The following DGKB variants were observed in gnomAD, a reference collection of about 807,000 sequenced individuals.
The protein encoded by DGKB is 90 kDa diacylglycerol kinase.
A neutral mutation model predicts 114.3 loss-of-function variants in DGKB; 67 were observed. The ratio of observed to expected loss-of-function variants is 0.59; its 90% confidence interval spans 0.48 to 0.72. The LOEUF is 0.72. DGKB is among the 30% of genes least tolerant of loss of function. The probability of loss-of-function intolerance (pLI) is 0.00; values close to 1 mark genes in which losing one functional copy is unlikely to be tolerated. For synonymous variants in DGKB, 398 were observed against 323.1 expected, an observed-to-expected ratio of 1.23 and a Z score of -2.49; for missense variants, 907 against 975.2, an observed-to-expected ratio of 0.93 and a Z score of 0.93.
At chr7:14,828,789 G>C (rs1038343723) in intron 2 of DGKB, among the ~76,000 whole-genome samples, 1 of 152,056 alleles carries the variant, frequency 6.6e-6, no homozygotes, top group South Asian at 2.1e-4. Context: ...TTATTATTTA[G>C]TCCATTTCTG....
intron 1 of DGKB, among the ~76,000 whole-genome samples, chr7:14,913,629 G>A (rs79806707): frequency 0.023 from 3,470 of 151,954 alleles, 132 homozygotes; most frequent in African/African-American, 0.079. Context: ...GAGCAAAGAA[G>A]GAGGCAAACT....
intron 21 of DGKB, among the ~76,000 whole-genome samples, chr7:14,401,349 T>A (rs895782932): frequency 9.9e-5 from 15 of 151,868 alleles, no homozygotes; most frequent in African/African-American, 3.6e-4. Context: ...TGAGAAAGCA[T>A]ATCTGTGATT....
chr7:14,504,671 T>A (rs879301944), intron 20 of DGKB, among the ~76,000 whole-genome samples: 2 of 152,156 alleles, frequency 1.3e-5, no homozygotes, highest in Non-Finnish European at 2.9e-5. Flanking sequence ...TGTCAGTATA[T>A]GAAAACACAA....
At chr7:14,175,975 T>A (rs1415962725) in intron 25 of DGKB, 3 of 151,448 alleles carry the variant, frequency 2.0e-5, no homozygotes, top group Admixed American at 6.6e-5. Flanking sequence ...CAGCTAAGTT[T>A]TTTTTTTATT....
At chr7:14,765,409 C>G (rs1447433673) in intron 2 of DGKB, among the ~76,000 whole-genome samples, 2 of 151,974 alleles carry the variant, frequency 1.3e-5, no homozygotes, top group African/African-American at 4.8e-5. Context: ...CTAGTTAATT[C>G]CAAAATGACT....
At position 14,896,570 on chromosome 7, in the gene DGKB, CAAGT is replaced by C. The variant is rs1301096312; in HGVS notation, c.-188+6018_-188+6021del. On this transcript the variant is annotated intron_variant, in intron 1 of 25. Coordinates refer to ENST00000402815, the MANE Select transcript of DGKB (RefSeq NM_001350709.2). ...ATACTTTTTCTCTGAGACAATATTC[CAAGT>C]AAGTTGGAAATAATAGCTAATATTT... is the stretch of plus-strand genomic sequence containing the variant. Among the ~76,000 whole-genome samples, 9 of 151,452 alleles carry C rather than the reference CAAGT, an allele frequency of 5.9e-5. No individual in the cohort carries two copies. In the Middle Eastern group the frequency reaches 0.014, roughly 231 times the overall value.
At chr7:14,656,766 A>ACACACG (rs1815904140) in intron 13 of DGKB, among the ~76,000 whole-genome samples, 1 of 150,930 alleles carries the variant, frequency 6.6e-6, no homozygotes, top group Non-Finnish European at 1.5e-5. Context: ...ACACACACAC[A>ACACACG]CACACATATC....
At chr7:14,513,767 T>C (rs1363168942) in intron 20 of DGKB, among the ~76,000 whole-genome samples, 2 of 152,050 alleles carry the variant, frequency 1.3e-5, no homozygotes, top group African/African-American at 4.8e-5. Flanking sequence ...TGTAGAATAA[T>C]GTTTAGTTAA....
intron 16 of DGKB, among the ~76,000 whole-genome samples, chr7:14,609,776 A>G (rs114646036): frequency 4.5e-4 from 68 of 152,210 alleles, no homozygotes; most frequent in African/African-American, 1.6e-3. Flanking sequence ...AAACATGCTT[A>G]TCATCACTAA....
intron 23 of DGKB, among the ~76,000 whole-genome samples, chr7:14,283,926 G>A (rs1000320602): frequency 1.4e-4 from 22 of 152,150 alleles, no homozygotes; most frequent in Non-Finnish European, 3.2e-4. Context: ...AGAAAACCTA[G>A]GCATTACCAT....
chr7:14,892,340 A>G (rs1282627120), intron 1 of DGKB, among the ~76,000 whole-genome samples: 2 of 151,302 alleles, frequency 1.3e-5, no homozygotes, highest in East Asian at 3.9e-4. Flanking sequence ...TACCTTACCT[A>G]TGTACTCTAA....
intron 25 of DGKB, among the ~76,000 whole-genome samples, chr7:14,151,048 T>G (rs1782118386): frequency 6.6e-6 from 1 of 151,994 alleles, no homozygotes; most frequent in African/African-American, 2.4e-5. Context: ...GGCACTATTT[T>G]TGAACATTGA....
At chr7:14,163,013 T>A (rs374204871) in intron 25 of DGKB, among the ~76,000 whole-genome samples, 1 of 151,360 alleles carries the variant, frequency 6.6e-6, no homozygotes, top group African/African-American at 2.5e-5. Context: ...TTAATGGTAT[T>A]TTTTTTTCAT....
chr7:14,929,452 T>A (rs1257478823), intron 1 of DGKB, among the ~76,000 whole-genome samples: 2 of 152,286 alleles, frequency 1.3e-5, no homozygotes, highest in East Asian at 3.9e-4. Flanking sequence ...GTGGTTTTAA[T>A]TTGTATTTCT....
rs1831713453 is a variant in DGKB at position 14,736,321 on chromosome 7, AAAGTGCCTATTTGAGAAATAGG to A, written c.169-149_169-128del. 7 of 611,590 alleles carry A rather than the reference AAAGTGCCTATTTGAGAAATAGG, an allele frequency of 1.1e-5. No homozygotes were observed. In the East Asian group the frequency reaches 2.1e-4, roughly 18 times the overall value. The allele number at this position is 611,590 out of a possible 1,614,324, so 37.9% of individuals were successfully genotyped here. On this transcript the variant is annotated intron_variant, in intron 4 of 25. Coordinates refer to ENST00000402815, the MANE Select transcript of DGKB (RefSeq NM_001350709.2). ...TTTTATATCCAAGTTTAACAAATGG[AAAGTGCCTATTTGAGAAATAGG>A]GTGGGCCGTCCTGGGCTAACACTGG...
intron 5 of DGKB, among the ~76,000 whole-genome samples, chr7:14,728,727 G>A (rs1830389707): frequency 6.6e-6 from 1 of 150,410 alleles, no homozygotes; most frequent in Non-Finnish European, 1.5e-5. Context: ...TCTCTGAGAT[G>A]GAGTCTCGCT....
At chr7:14,467,372 T>C (rs1003650637) in intron 21 of DGKB, among the ~76,000 whole-genome samples, 2 of 150,992 alleles carry the variant, frequency 1.3e-5, no homozygotes, top group Middle Eastern at 3.2e-3. Context: ...TATACAAACA[T>C]CAAAGAATCC....
chr7:14,506,303 C>T (rs2128964469), intron 20 of DGKB, among the ~76,000 whole-genome samples: 1 of 152,162 alleles, frequency 6.6e-6, no homozygotes, highest in South Asian at 2.1e-4. Flanking sequence ...TCCAGACCTT[C>T]ATATGATGTA....
chr7:14,777,579 C>T (rs1421138147), intron 2 of DGKB, among the ~76,000 whole-genome samples: 2 of 152,110 alleles, frequency 1.3e-5, no homozygotes, highest in African/African-American at 4.8e-5. Context: ...CTCCTTACTG[C>T]TGCCATGTGA....
Sources: gnomAD v4.1 joint callset for allele counts (sites outside exome capture counted in the v4.1 genomes callset) on GRCh38, gnomAD v4.1.1 for gene constraint, MANE v1.5 for transcripts, NCBI Gene and HGNC (gene_info 2026-07-23, HGNC 2026-07-21) for gene names.